The following GSE1 variants were observed in gnomAD, a reference collection of about 807,000 sequenced individuals.
The protein encoded by GSE1 is genetic suppressor element 1.
In GSE1, 32 loss-of-function variants were observed where a neutral mutation model predicts 112.6. That is an observed-to-expected ratio of 0.28 (90% CI 0.21 to 0.38). GSE1 has a LOEUF of 0.38. Ranked by LOEUF, GSE1 falls within the 10% of genes least tolerant of loss-of-function variation. The pLI is 1.00. For missense variants in GSE1, 2,348 were observed against 1,699.2 expected, an observed-to-expected ratio of 1.38 and a Z score of -6.71; for synonymous variants, 1,115 against 735.6, an observed-to-expected ratio of 1.52 and a Z score of -8.35.
At chr16:85,252,236 G>A (rs1005803156) in intron 1 of GSE1, among the ~76,000 whole-genome samples, 1 of 152,162 alleles carries the variant, frequency 6.6e-6, no homozygotes, top group Non-Finnish European at 1.5e-5. Context: ...GCGGCAGGAG[G>A]GGGCTGAGCC....
chr16:85,640,463 C>G (rs1351487418), intron 2 of GSE1, among the ~76,000 whole-genome samples: 2 of 152,230 alleles, frequency 1.3e-5, no homozygotes, highest in East Asian at 3.9e-4. Flanking sequence ...TGCCGCCTTC[C>G]CCTGGTGGTG....
intron 1 of GSE1, among the ~76,000 whole-genome samples, chr16:85,357,296 C>A (rs2046969706): frequency 6.6e-6 from 1 of 152,218 alleles, no homozygotes; most frequent in South Asian, 2.1e-4. Context: ...ACTGGCCTTA[C>A]TGAGGACCTG....
chr16:85,355,849 C>T (rs1425919847), intron 1 of GSE1, among the ~76,000 whole-genome samples: 1 of 152,006 alleles, frequency 6.6e-6, no homozygotes, highest in African/African-American at 2.4e-5. Flanking sequence ...AGTGAAACCC[C>T]ATCTCTACTA....
chr16:85,479,688 A>G (rs1302399296), intron 2 of GSE1, among the ~76,000 whole-genome samples: 1 of 150,942 alleles, frequency 6.6e-6, no homozygotes, highest in Non-Finnish European at 1.5e-5. Flanking sequence ...TGTGCAGGAA[A>G]CCTCCTGTTG....
intron 2 of GSE1, among the ~76,000 whole-genome samples, chr16:85,450,365 G>A (rs971379814): frequency 7.9e-5 from 12 of 151,890 alleles, no homozygotes; most frequent in Non-Finnish European, 1.3e-4. Flanking sequence ...TGATCTGCCC[G>A]CCTTGGCCTC....
chr16:85,453,931 C>T (rs1024435915), intron 2 of GSE1, among the ~76,000 whole-genome samples: 2 of 152,126 alleles, frequency 1.3e-5, no homozygotes, highest in Admixed American at 6.5e-5. Context: ...CACCTGCACA[C>T]AGCACCCCCT....
intron 1 of GSE1, among the ~76,000 whole-genome samples, chr16:85,241,900 C>T (rs2143936671): frequency 6.6e-6 from 1 of 152,218 alleles, no homozygotes; most frequent in East Asian, 1.9e-4. Context: ...ACTGGGCATC[C>T]TGTCCTCCCT....
intron 7 of GSE1, 94 bp from the exon 8 acceptor site, chr16:85,657,183 C>T: frequency 1.2e-6 from 1 of 868,530 alleles, no homozygotes; most frequent in Non-Finnish European, 1.7e-6. Flanking sequence ...TGGAAGGGCT[C>T]TGGTTTCTCT....
At chr16:85,520,567 G>A (rs1158073079) in intron 2 of GSE1, among the ~76,000 whole-genome samples, 3 of 151,576 alleles carry the variant, frequency 2.0e-5, no homozygotes, top group East Asian at 1.9e-4. Context: ...GATTACAGGC[G>A]CCCACCACCA....
chr16:85,458,807 G>A (rs2049901563), intron 2 of GSE1, among the ~76,000 whole-genome samples: 2 of 152,210 alleles, frequency 1.3e-5, no homozygotes, highest in Non-Finnish European at 2.9e-5. Flanking sequence ...TGTGCTGCAG[G>A]AGGGATAGAG....
At chr16:85,554,232 A>G (rs951573031), upstream of GSE1, among the ~76,000 whole-genome samples, 2 of 152,020 alleles carry the variant, frequency 1.3e-5, no homozygotes, top group Admixed American at 1.3e-4. Flanking sequence ...AGCGCACAGG[A>G]TGTGGTTTGG....
chr16:85,433,027 G>A (rs953003644), intron 2 of GSE1, among the ~76,000 whole-genome samples: 1 of 151,874 alleles, frequency 6.6e-6, no homozygotes, highest in Non-Finnish European at 1.5e-5. Flanking sequence ...ATCTGCTTGG[G>A]GGATCAGGTG....
intron 2 of GSE1, among the ~76,000 whole-genome samples, chr16:85,639,136 C>T (rs1037271344): frequency 6.6e-6 from 1 of 152,228 alleles, no homozygotes; most frequent in African/African-American, 2.4e-5. Context: ...CTGTTCTGCC[C>T]TGGTGGCTAT....
At chr16:85,201,674 A>G (rs1000043111) in intron 1 of GSE1, among the ~76,000 whole-genome samples, 3 of 151,980 alleles carry the variant, frequency 2.0e-5, no homozygotes, top group African/African-American at 7.2e-5. Context: ...AACAACAAAA[A>G]AAGCCAGTGA....
chr16:85,413,340 C>T (rs1367671576), intron 2 of GSE1, among the ~76,000 whole-genome samples: 1 of 152,092 alleles, frequency 6.6e-6, no homozygotes, highest in African/African-American at 2.4e-5. Flanking sequence ...GAAGGCAGGG[C>T]CATGGAGGGA....
intron 2 of GSE1, among the ~76,000 whole-genome samples, chr16:85,503,090 G>A (rs373724520): frequency 1.5e-4 from 23 of 152,320 alleles, no homozygotes; most frequent in African/African-American, 4.6e-4. Flanking sequence ...GGGGTGCCCC[G>A]GGCAGAGGGC....
At chr16:85,646,730 G>A (rs2050898481) in intron 2 of GSE1, among the ~76,000 whole-genome samples, 1 of 152,176 alleles carries the variant, frequency 6.6e-6, no homozygotes, top group African/African-American at 2.4e-5. Context: ...AGTCGGGGGT[G>A]TGAGTGTGCA....
chr16:85,535,698 C>G (rs901348762), intron 2 of GSE1, among the ~76,000 whole-genome samples: 3 of 152,176 alleles, frequency 2.0e-5, no homozygotes, highest in African/African-American at 7.2e-5. Context: ...CTGCATGTGT[C>G]AAGATACCAG....
exon 1 of GSE1, chr16:85,171,151 G>C: frequency 1.0e-6 from 1 of 985,672 alleles, no homozygotes; most frequent in Non-Finnish European, 1.2e-6. Context: ...CGTCCTGGAG[G>C]ATGTCTGGGC....
Sources: allele counts gnomAD v4.1 joint callset (sites outside exome capture counted in the v4.1 genomes callset), GRCh38; gene constraint gnomAD v4.1.1; transcripts MANE v1.5; gene names NCBI Gene and HGNC (gene_info 2026-07-23, HGNC 2026-07-21).